The following WWTR1 variants were observed in gnomAD, a reference collection of about 807,000 sequenced individuals.
WWTR1 encodes the protein WW domain containing transcription regulator 1.
WWTR1 carries 13 observed loss-of-function variants against 40.1 expected under a neutral mutation model. The observed-to-expected ratio is 0.32, with a 90% CI of 0.21 to 0.52. The LOEUF is 0.52. Among genes scored for constraint, WWTR1 ranks in the 20% least tolerant of loss-of-function variants. WWTR1 has a pLI of 0.97. For synonymous variants in WWTR1, 230 were observed against 210.1 expected, an observed-to-expected ratio of 1.09 and a Z score of -0.82; for missense variants, 436 against 523.1, an observed-to-expected ratio of 0.83 and a Z score of 1.63.
chr3:149,568,773 G>C (rs764005300), intron 3 of WWTR1, among the ~76,000 whole-genome samples: 1 of 152,122 alleles, frequency 6.6e-6, no homozygotes, highest in Non-Finnish European at 1.5e-5. Flanking sequence ...TTTTGTTGTT[G>C]TTTTTGTTGT....
intron 3 of WWTR1, among the ~76,000 whole-genome samples, chr3:149,557,753 A>C (rs1736894329): frequency 6.6e-6 from 1 of 152,032 alleles, no homozygotes; most frequent in Non-Finnish European, 1.5e-5. Context: ...CTGTAATCCC[A>C]ACACTTTGGG....
chr3:149,522,559 C>T (rs965229522), intron 6 of WWTR1, among the ~76,000 whole-genome samples: 1 of 152,118 alleles, frequency 6.6e-6, no homozygotes, highest in Non-Finnish European at 1.5e-5. Context: ...CTTTCTTCTA[C>T]TTACTAGAGT....
intron 2 of WWTR1, among the ~76,000 whole-genome samples, chr3:149,622,332 G>A: frequency 6.6e-6 from 1 of 151,888 alleles, no homozygotes; most frequent in East Asian, 1.9e-4. Flanking sequence ...ATGACCAATT[G>A]TCAAAGTAAT....
chr3:149,706,208 A>G (rs1715328508), upstream of WWTR1, among the ~76,000 whole-genome samples: 1 of 152,148 alleles, frequency 6.6e-6, no homozygotes. Context: ...GTCTCAAAAG[A>G]AAAAATAAAA....
At chr3:149,545,317 G>A (rs1576549569) in intron 3 of WWTR1, among the ~76,000 whole-genome samples, 1 of 152,120 alleles carries the variant, frequency 6.6e-6, no homozygotes, top group Non-Finnish European at 1.5e-5. Flanking sequence ...GAAGAGAGGC[G>A]CAGATGGAAG....
intron 1 of WWTR1, among the ~76,000 whole-genome samples, chr3:149,684,783 C>T (rs1425444900): frequency 1.3e-5 from 2 of 152,060 alleles, no homozygotes; most frequent in African/African-American, 2.4e-5. Context: ...AGGCTGCTTT[C>T]GAACTCCTGG....
At chr3:149,578,724 C>G (rs574808864) in intron 2 of WWTR1, among the ~76,000 whole-genome samples, 161 of 152,114 alleles carry the variant, frequency 1.1e-3, no homozygotes, top group Non-Finnish European at 1.6e-3. Flanking sequence ...ATGGAGAAAC[C>G]CTGTCTCTAC....
intron 2 of WWTR1, among the ~76,000 whole-genome samples, chr3:149,579,238 C>T (rs551806348): frequency 6.6e-6 from 1 of 152,284 alleles, no homozygotes. Flanking sequence ...CAGGGCTCCC[C>T]TCCATCAGCA....
At chr3:149,622,498 G>GAAAGAAAGAAAAGAAAGA (rs1560089724) in intron 2 of WWTR1, among the ~76,000 whole-genome samples, 13 of 51,054 alleles carry the variant, frequency 2.5e-4, no homozygotes, top group African/African-American at 1.0e-3. Flanking sequence ...AGGAAGGAAG[G>GAAAGAAAGAAAAGAAAGA]AAGGAAGAAA....
At chr3:149,571,214 CTTTTTT>C (rs10535515) in intron 3 of WWTR1, among the ~76,000 whole-genome samples, 1 of 101,274 alleles carries the variant, frequency 9.9e-6, no homozygotes, top group African/African-American at 3.9e-5. Flanking sequence ...TTTTTCTTTT[CTTTTTT>C]TTTTTTTTTT....
At chr3:149,636,717 G>GA (rs1711833690) in intron 2 of WWTR1, among the ~76,000 whole-genome samples, 1 of 151,894 alleles carries the variant, frequency 6.6e-6, no homozygotes, top group African/African-American at 2.4e-5. Flanking sequence ...AAATTTAAAA[G>GA]AAAAAAATCA....
At chr3:149,566,087 G>C (rs1737313163) in intron 3 of WWTR1, among the ~76,000 whole-genome samples, 1 of 152,120 alleles carries the variant, frequency 6.6e-6, no homozygotes, top group African/African-American at 2.4e-5. Context: ...CCAGCATTTT[G>C]GGAGGCCAAG....
chr3:149,616,442 C>G (rs895325679), intron 2 of WWTR1, among the ~76,000 whole-genome samples: 1 of 151,080 alleles, frequency 6.6e-6, no homozygotes, highest in Non-Finnish European at 1.5e-5. Flanking sequence ...CTCTCTCTCT[C>G]TCTTTTTTTT....
At chr3:149,723,451 G>A (rs575290347) in intron 4 of WWTR1, among the ~76,000 whole-genome samples, 19 of 152,240 alleles carry the variant, frequency 1.2e-4, no homozygotes, top group African/African-American at 3.9e-4. Context: ...GCCTCCCAAA[G>A]TGCAGGGATT....
chr3:149,545,626 A>G (rs1199540892), intron 3 of WWTR1, among the ~76,000 whole-genome samples: 2 of 152,078 alleles, frequency 1.3e-5, no homozygotes, highest in African/African-American at 2.4e-5. Context: ...GTTTCAAGAG[A>G]TTCTCCTGTC....
At chr3:149,638,495 C>T (rs892937549) in intron 2 of WWTR1, among the ~76,000 whole-genome samples, 3 of 152,178 alleles carry the variant, frequency 2.0e-5, no homozygotes, top group Non-Finnish European at 4.4e-5. Flanking sequence ...GTATAATTCA[C>T]ATAATGCTAG....
chr3:149,578,398 G>A (rs564338120), intron 2 of WWTR1, among the ~76,000 whole-genome samples: 1 of 152,270 alleles, frequency 6.6e-6, no homozygotes, highest in African/African-American at 2.4e-5. Flanking sequence ...AGATTTCATG[G>A]CCAGTTCTCC....
At chr3:149,567,494 A>T (rs912985361) in intron 3 of WWTR1, among the ~76,000 whole-genome samples, 3 of 152,192 alleles carry the variant, frequency 2.0e-5, no homozygotes, top group Non-Finnish European at 2.9e-5. Flanking sequence ...CTAGTTTCAC[A>T]ATTTGTAAGC....
chr3:149,654,529 G>T (rs758860284), intron 2 of WWTR1, among the ~76,000 whole-genome samples: 1 of 152,106 alleles, frequency 6.6e-6, no homozygotes, highest in African/African-American at 2.4e-5. Context: ...ACTCTGCTTT[G>T]GATTGGAGAG....
Sources: gnomAD v4.1 joint callset for allele counts (sites outside exome capture counted in the v4.1 genomes callset) on GRCh38, gnomAD v4.1.1 for gene constraint, MANE v1.5 for transcripts, NCBI Gene and HGNC (gene_info 2026-07-23, HGNC 2026-07-21) for gene names.